Variants in MAML3 observed in about 807,000 individuals in gnomAD.
MAML3 encodes mastermind like transcriptional coactivator 3, also known as mastermind-like protein 3.
Under a neutral mutation model 101.9 loss-of-function variants are expected in MAML3, and 27 were observed. The observed-to-expected ratio is 0.27, with a 90% CI of 0.20 to 0.37. The LOEUF (loss-of-function observed/expected upper bound fraction) is 0.37. Among genes scored for constraint, MAML3 ranks in the 10% least tolerant of loss-of-function variants. MAML3 has a pLI of 1.00. For missense variants in MAML3, 1,316 were observed against 1,444.9 expected (o/e 0.91, Z 1.45); for synonymous variants, 501 against 555.9 (o/e 0.90, Z 1.39).
At chr4:139,755,969 AC>A (rs1172405732) in intron 2 of MAML3, among the ~76,000 whole-genome samples, 1 of 152,254 alleles carries the variant, frequency 6.6e-6, no homozygotes, top group Non-Finnish European at 1.5e-5. Context: ...TGCAGGACTT[AC>A]GTCAAAACAC....
intron 1 of MAML3, among the ~76,000 whole-genome samples, chr4:140,054,363 C>T (rs540843203): frequency 3.1e-4 from 42 of 134,868 alleles, no homozygotes; most frequent in East Asian, 4.2e-4. Context: ...AGGGAGACTC[C>T]GTCTCAAAAA....
chr4:139,832,094 C>CTGTTTTTTTTTTTTTT, intron 2 of MAML3, among the ~76,000 whole-genome samples: 1 of 64,702 alleles, frequency 1.5e-5, no homozygotes, highest in Non-Finnish European at 3.3e-5. Context: ...TGCCCAGCCC[C>CTGTTTTTTTTTTTTTT]TTTTTTTTTT....
At chr4:139,753,167 A>C (rs962628020) in intron 2 of MAML3, among the ~76,000 whole-genome samples, 1 of 152,174 alleles carries the variant, frequency 6.6e-6, no homozygotes, top group Non-Finnish European at 1.5e-5. Flanking sequence ...TAAAATATAC[A>C]TAACATAAAA....
chr4:139,955,718 T>C (rs1733904834), intron 1 of MAML3, among the ~76,000 whole-genome samples: 1 of 152,224 alleles, frequency 6.6e-6, no homozygotes, highest in African/African-American at 2.4e-5. Context: ...GTTCTCCTCC[T>C]TTTCTGAGCA....
At chr4:139,831,095 A>G (rs1418118627) in intron 2 of MAML3, among the ~76,000 whole-genome samples, 1 of 152,186 alleles carries the variant, frequency 6.6e-6, no homozygotes, top group East Asian at 1.9e-4. Flanking sequence ...AAAACCCCTC[A>G]GAGAATAGAA....
chr4:140,020,396 C>A (rs143530878), intron 1 of MAML3, among the ~76,000 whole-genome samples: 2 of 147,380 alleles, frequency 1.4e-5, no homozygotes, highest in Non-Finnish European at 1.5e-5. Context: ...ACCATGAAAT[C>A]TAATTTGAGG....
At chr4:139,949,769 GTTAAC>G (rs1358844019) in intron 1 of MAML3, among the ~76,000 whole-genome samples, 3 of 152,084 alleles carry the variant, frequency 2.0e-5, no homozygotes, top group Non-Finnish European at 4.4e-5. Flanking sequence ...CATTTTAGTT[GTTAAC>G]TTGACTGGGC....
chr4:139,857,859 A>T (rs1467179079), intron 2 of MAML3, among the ~76,000 whole-genome samples: 1 of 152,174 alleles, frequency 6.6e-6, no homozygotes, highest in East Asian at 1.9e-4. Context: ...CCATCATATG[A>T]TTTTAAGTTT....
intron 1 of MAML3, chr4:140,134,478 C>CCTG: frequency 5.0e-6 from 2 of 402,098 alleles, no homozygotes; most frequent in Non-Finnish European, 1.0e-5. Context: ...CAGATCTATT[C>CCTG]TCCACTTAAA....
intron 1 of MAML3, among the ~76,000 whole-genome samples, chr4:139,925,223 T>TTTTG (rs111291885): frequency 0.011 from 1,736 of 152,028 alleles, 32 homozygotes; most frequent in African/African-American, 0.039. Context: ...CCTGTACTCT[T>TTTTG]TTTGTTTGTT....
At chr4:139,975,346 T>A (rs1407388722) in intron 1 of MAML3, among the ~76,000 whole-genome samples, 1 of 152,156 alleles carries the variant, frequency 6.6e-6, no homozygotes, top group East Asian at 1.9e-4. Flanking sequence ...ATGTAATTGC[T>A]CAAATGTCAC....
chr4:139,991,907 G>A (rs950907609), intron 1 of MAML3, among the ~76,000 whole-genome samples: 1 of 151,990 alleles, frequency 6.6e-6, no homozygotes, highest in African/African-American at 2.4e-5. Context: ...AATTTCAAGT[G>A]TACAATTCAA....
intron 1 of MAML3, among the ~76,000 whole-genome samples, chr4:140,152,228 C>T (rs1304373024): frequency 1.3e-5 from 2 of 152,222 alleles, no homozygotes; most frequent in African/African-American, 2.4e-5. Flanking sequence ...CGCAGCCACC[C>T]TCGCTCGTTT....
At chr4:139,961,227 C>T (rs1049887699) in intron 1 of MAML3, among the ~76,000 whole-genome samples, 4 of 152,212 alleles carry the variant, frequency 2.6e-5, no homozygotes, top group African/African-American at 9.6e-5. Flanking sequence ...AAAACATCAC[C>T]TGCAGTTATC....
At chr4:140,062,101 T>C (rs759438894) in intron 1 of MAML3, among the ~76,000 whole-genome samples, 10 of 152,306 alleles carry the variant, frequency 6.6e-5, no homozygotes, top group Middle Eastern at 3.4e-3. Context: ...CTTAGGAGCC[T>C]CAGATGACGC....
intron 2 of MAML3, among the ~76,000 whole-genome samples, chr4:139,737,988 G>T (rs1157062137): frequency 6.6e-6 from 1 of 152,234 alleles, no homozygotes; most frequent in African/African-American, 2.4e-5. Context: ...ATAACTTGGG[G>T]CCCAATGCGA....
At chr4:139,733,660 C>T (rs1244397438) in intron 2 of MAML3, among the ~76,000 whole-genome samples, 1 of 151,596 alleles carries the variant, frequency 6.6e-6, no homozygotes, top group Non-Finnish European at 1.5e-5. Flanking sequence ...TGAAGACCTA[C>T]AGGCAGGAAG....
intron 1 of MAML3, among the ~76,000 whole-genome samples, chr4:140,043,621 T>C (rs1727123173): frequency 6.6e-6 from 1 of 152,180 alleles, no homozygotes; most frequent in Non-Finnish European, 1.5e-5. Context: ...ACAGCCACAA[T>C]AAAATTTTTC....
intron 1 of MAML3, among the ~76,000 whole-genome samples, chr4:140,059,617 G>C (rs1396945111): frequency 6.6e-6 from 1 of 152,108 alleles, no homozygotes; most frequent in Non-Finnish European, 1.5e-5. Flanking sequence ...GTCAAGAAAG[G>C]AATTACCACA....
Sources: gnomAD v4.1 joint callset for allele counts (sites outside exome capture counted in the v4.1 genomes callset) on GRCh38, gnomAD v4.1.1 for gene constraint, MANE v1.5 for transcripts, NCBI Gene and HGNC (gene_info 2026-07-23, HGNC 2026-07-21) for gene names.